The following GABRG3 variants were observed in gnomAD, a reference collection of about 807,000 sequenced individuals.
GABRG3 encodes gamma-aminobutyric acid type A receptor subunit gamma3, also known as gamma-aminobutyric acid receptor subunit gamma-3.
A neutral mutation model predicts 48.8 loss-of-function variants in GABRG3; 25 were observed. That is an observed-to-expected ratio of 0.51 (90% CI 0.37 to 0.72). The LOEUF is 0.72. GABRG3 is among the 30% of genes least tolerant of loss of function. The pLI is 0.00. For synonymous variants in GABRG3, 227 were observed against 217.6 expected (o/e 1.04, Z -0.38); for missense variants, 394 against 577.9 (o/e 0.68, Z 3.26).
intron 3 of GABRG3, among the ~76,000 whole-genome samples, chr15:27,076,613 C>T (rs113905921): frequency 0.21 from 31,392 of 152,074 alleles, 3,400 homozygotes; most frequent in Middle Eastern, 0.27. Context: ...CATGAGCCAC[C>T]GTGCCCGGTG....
intron 5 of GABRG3, among the ~76,000 whole-genome samples, chr15:27,386,713 C>G (rs1302410201): frequency 6.6e-6 from 1 of 152,184 alleles, no homozygotes. Flanking sequence ...GGCTAAGATG[C>G]TACAGACTCC....
Position 27,440,979 on chromosome 15 carries a change from C to T in GABRG3, c.575-39671C>T, listed in dbSNP as rs964843922. On this transcript the variant is annotated intron_variant, in intron 5 of 9. Transcript: ENST00000615808. ...AAGGACCTCAACTTTAAAGTTGCTA[C>T]TCATCACAGCGAGGGATCTCCACAG... is the stretch of plus-strand genomic sequence containing the variant. Among the ~76,000 whole-genome samples the T allele has an allele frequency of 1.3e-5, 2 of 152,152 alleles. 1 individual carries two copies. The highest frequency in any genetic ancestry group is 2.9e-5 in the Non-Finnish European group (2 of 68,034).
intron 2 of GABRG3, among the ~76,000 whole-genome samples, chr15:27,006,563 C>T (rs1895588902): frequency 6.6e-6 from 1 of 152,132 alleles, no homozygotes; most frequent in Non-Finnish European, 1.5e-5. Flanking sequence ...AGGTAAATTT[C>T]ATGTCATGGG....
chr15:27,081,024 T>C (rs207475333), intron 3 of GABRG3, among the ~76,000 whole-genome samples: 2 of 152,094 alleles, frequency 1.3e-5, no homozygotes, highest in Admixed American at 1.3e-4. Flanking sequence ...GGTGAAATGG[T>C]CCCTAACGGG....
chr15:27,376,840 G>A (rs1218939960), intron 5 of GABRG3, among the ~76,000 whole-genome samples: 1 of 152,118 alleles, frequency 6.6e-6, no homozygotes, highest in Non-Finnish European at 1.5e-5. Flanking sequence ...ATTAACATTC[G>A]ACTCCTCATT....
At chr15:27,395,747 AAAC>A (rs1170154701) in intron 5 of GABRG3, among the ~76,000 whole-genome samples, 1 of 152,224 alleles carries the variant, frequency 6.6e-6, no homozygotes, top group Non-Finnish European at 1.5e-5. Context: ...ACCTAAATGT[AAAC>A]AAATAATTCT....
chr15:27,159,984 A>G (rs1321177098), intron 3 of GABRG3, among the ~76,000 whole-genome samples: 2 of 152,124 alleles, frequency 1.3e-5, no homozygotes, highest in Non-Finnish European at 2.9e-5. Context: ...CCACAGACTC[A>G]GATTACCCTC....
intron 3 of GABRG3, among the ~76,000 whole-genome samples, chr15:27,101,842 TAAAAAAA>T (rs55887752): frequency 2.8e-5 from 2 of 72,530 alleles, no homozygotes; most frequent in Non-Finnish European, 5.3e-5. Flanking sequence ...GCTGATGAGC[TAAAAAAA>T]AAAAAAAAAA....
rs536478862 is a variant in GABRG3, at chr15:27,540,562, A to G, written c.*7681A>G. On this transcript the variant is annotated 3_prime_UTR_variant, in exon 10 of 10. Transcript: ENST00000615808. Reference sequence around the variant, plus strand: ...TATATGATCTCTGTTTAGAATAACTATTTTATTAAAACAGTCTAAAAGACA... The same window carrying G: ...TATATGATCTCTGTTTAGAATAACTGTTTTATTAAAACAGTCTAAAAGACA... 8 of 146,932 alleles carry G rather than the reference A, an allele frequency of 5.4e-5. No individual in the cohort carries two copies. The South Asian group carries it at 1.1e-3, about 20-fold the overall frequency. The allele number at this position is 146,932 out of a possible 1,614,324, so 9.1% of individuals were successfully genotyped here.
At chr15:27,030,619 G>A (rs1044050175) in intron 3 of GABRG3, among the ~76,000 whole-genome samples, 1 of 152,074 alleles carries the variant, frequency 6.6e-6, no homozygotes, top group Non-Finnish European at 1.5e-5. Flanking sequence ...CATGCAAGGG[G>A]GCTTGTGAGT....
intron 3 of GABRG3, among the ~76,000 whole-genome samples, chr15:27,307,101 A>G (rs1316716200): frequency 1.6e-5 from 2 of 125,776 alleles, no homozygotes; most frequent in Non-Finnish European, 3.1e-5. Context: ...CATATAATAT[A>G]AACATGTTTA....
chr15:27,106,264 T>C (rs1346239773), intron 3 of GABRG3, among the ~76,000 whole-genome samples: 1 of 152,058 alleles, frequency 6.6e-6, no homozygotes, highest in Non-Finnish European at 1.5e-5. Flanking sequence ...AATAAGTAGA[T>C]TTTAGCTGCT....
At chr15:27,307,980 A>G (rs1024681212) in intron 3 of GABRG3, among the ~76,000 whole-genome samples, 2 of 138,156 alleles carry the variant, frequency 1.4e-5, no homozygotes. Flanking sequence ...ATAAACATAT[A>G]TAAAATAAAC....
intron 5 of GABRG3, among the ~76,000 whole-genome samples, chr15:27,464,808 G>A (rs189476845): frequency 1.9e-4 from 29 of 152,144 alleles, no homozygotes; most frequent in Admixed American, 1.1e-3. Context: ...TGGACTATTT[G>A]TCTTTGTATT....
chr15:26,979,005 G>C (rs1047729887), intron 2 of GABRG3, among the ~76,000 whole-genome samples: 3 of 152,114 alleles, frequency 2.0e-5, no homozygotes, highest in South Asian at 4.1e-4. Context: ...TTATGTTCTT[G>C]TATCAGTGGT....
intron 3 of GABRG3, among the ~76,000 whole-genome samples, chr15:27,321,187 TC>T (rs1399939390): frequency 6.6e-6 from 1 of 152,214 alleles, no homozygotes; most frequent in African/African-American, 2.4e-5. Context: ...GTGTCTGCCC[TC>T]CCCTGGTGCG....
At chr15:27,129,763 CATT>C (rs1897884565) in intron 3 of GABRG3, among the ~76,000 whole-genome samples, 2 of 151,000 alleles carry the variant, frequency 1.3e-5, no homozygotes, top group Admixed American at 1.3e-4. Flanking sequence ...AGTGGTGTCT[CATT>C]GTAGTTTTGA....
intron 5 of GABRG3, among the ~76,000 whole-genome samples, chr15:27,476,109 A>G (rs1357261485): frequency 6.6e-6 from 1 of 152,262 alleles, no homozygotes; most frequent in African/African-American, 2.4e-5. Flanking sequence ...CAGCAAACAC[A>G]TAATCTATAA....
chr15:27,214,826 A>G (rs1473084013), intron 3 of GABRG3, among the ~76,000 whole-genome samples: 1 of 152,062 alleles, frequency 6.6e-6, no homozygotes, highest in Non-Finnish European at 1.5e-5. Flanking sequence ...GGTGAGACTC[A>G]TCTCCTTCTT....
Sources: gnomAD v4.1 joint callset for allele counts (sites outside exome capture counted in the v4.1 genomes callset) on GRCh38, gnomAD v4.1.1 for gene constraint, MANE v1.5 for transcripts, NCBI Gene and HGNC (gene_info 2026-07-23, HGNC 2026-07-21) for gene names.